The following TNFRSF11A variants were observed in gnomAD, a reference collection of about 807,000 sequenced individuals.
TNFRSF11A encodes TNF receptor superfamily member 11a.
A neutral mutation model predicts 55.7 loss-of-function variants in TNFRSF11A; 32 were observed. The ratio of observed to expected loss-of-function variants is 0.57; its 90% confidence interval spans 0.43 to 0.77. The LOEUF (loss-of-function observed/expected upper bound fraction) is 0.77. Among genes scored for constraint, TNFRSF11A ranks in the 30% least tolerant of loss-of-function variants. The pLI is 0.00. For missense variants in TNFRSF11A, 753 were observed against 809.8 expected (o/e 0.93, Z 0.85); for synonymous variants, 311 against 331.0 (o/e 0.94, Z 0.65).
chr18:62,342,561 C>T (rs1193145066), intron 1 of TNFRSF11A, among the ~76,000 whole-genome samples: 1 of 152,070 alleles, frequency 6.6e-6, no homozygotes, highest in Admixed American at 6.5e-5. Context: ...CTGCGAATCA[C>T]CATGGTGGGA....
intron 1 of TNFRSF11A, among the ~76,000 whole-genome samples, chr18:62,339,251 C>G (rs2046277895): frequency 6.6e-6 from 1 of 152,202 alleles, no homozygotes; most frequent in Non-Finnish European, 1.5e-5. Context: ...CCCAGCCCCC[C>G]AGGCTCTCCG....
In TNFRSF11A at chr18:62,325,347, C is replaced by T. The variant is rs1600335960; in HGVS notation, c.-6C>T. 4 of 1,019,518 alleles carry T rather than the reference C, an allele frequency of 3.9e-6. No individual in the cohort carries two copies. The highest frequency in any genetic ancestry group is 4.7e-6 in the Non-Finnish European group (4 of 854,970). 63.2% of individuals were successfully genotyped at this position (1,019,518 alleles called of 1,614,324 possible). ...GGCCGCGGCGCCCGCCAGCCTGTCC[C>T]GCGCCATGGCCCCGCGCGCCCGGCG... On this transcript the variant is annotated 5_prime_UTR_variant, in exon 1 of 10. Coordinates refer to ENST00000586569, the MANE Select transcript of TNFRSF11A (RefSeq NM_003839.4). The surrounding 1 kb of genome is among the most constrained non-coding windows in gnomAD (Gnocchi z 4.7).
intron 9 of TNFRSF11A, among the ~76,000 whole-genome samples, 168 bp downstream of exon 9, chr18:62,369,652 G>A (rs1346905672): frequency 1.3e-5 from 2 of 152,216 alleles, no homozygotes; most frequent in East Asian, 1.9e-4. Context: ...TTCAGTCCAC[G>A]TGTTTGGTTA....
intron 4 of TNFRSF11A, among the ~76,000 whole-genome samples, chr18:62,357,131 T>A (rs1909316687): frequency 6.6e-6 from 1 of 152,214 alleles, no homozygotes; most frequent in African/African-American, 2.4e-5. Context: ...ATTGCAGAAA[T>A]CAACAGTATA....
At chr18:62,373,419 C>G (rs1910686541) in intron 9 of TNFRSF11A, among the ~76,000 whole-genome samples, 3 of 151,880 alleles carry the variant, frequency 2.0e-5, no homozygotes, top group Non-Finnish European at 4.4e-5. Flanking sequence ...TGCCACTGCA[C>G]TCCAGCCTGG....
intron 9 of TNFRSF11A, among the ~76,000 whole-genome samples, chr18:62,379,113 C>T (rs1016875946): frequency 3.3e-5 from 5 of 152,244 alleles, no homozygotes; most frequent in African/African-American, 9.6e-5. Context: ...GGCGTGCTCA[C>T]GTGCAGAGCA....
chr18:62,355,195 T>G (rs1909168794), intron 4 of TNFRSF11A, among the ~76,000 whole-genome samples: 1 of 152,224 alleles, frequency 6.6e-6, no homozygotes, highest in African/African-American at 2.4e-5. Context: ...TTTTTATGCT[T>G]GGAGGGTTTT....
At chr18:62,348,945 C>T (rs187049769) in intron 2 of TNFRSF11A, among the ~76,000 whole-genome samples, 40 of 152,246 alleles carry the variant, frequency 2.6e-4, no homozygotes, top group Admixed American at 2.6e-3. Context: ...GCGGGTGGGG[C>T]GCAGCGTGAC....
At chr18:62,360,144 C>T in intron 6 of TNFRSF11A, 95 bp downstream of exon 6, 1 of 880,890 alleles carries the variant, frequency 1.1e-6, no homozygotes, top group Admixed American at 1.9e-5. Flanking sequence ...TTGCGGGCGT[C>T]CTCTCCCCCT....
intron 3 of TNFRSF11A, among the ~76,000 whole-genome samples, chr18:62,352,874 C>T (rs1412844904): frequency 2.0e-5 from 3 of 152,170 alleles, no homozygotes; most frequent in South Asian, 4.1e-4. Context: ...AACTTGAGAC[C>T]ATAAGAGACA....
At chr18:62,373,414 C>T (rs2145368575) in intron 9 of TNFRSF11A, among the ~76,000 whole-genome samples, 1 of 151,886 alleles carries the variant, frequency 6.6e-6, no homozygotes, top group South Asian at 2.1e-4. Flanking sequence ...GATCTTGCCA[C>T]TGCACTCCAG....
intron 9 of TNFRSF11A, among the ~76,000 whole-genome samples, chr18:62,378,808 A>G (rs1373866981): frequency 6.6e-6 from 1 of 152,212 alleles, no homozygotes; most frequent in Non-Finnish European, 1.5e-5. Context: ...AATTCTCACC[A>G]CTAGTGAGAG....
intron 2 of TNFRSF11A, among the ~76,000 whole-genome samples, chr18:62,349,166 CT>C (rs35392545): frequency 0.33 from 47,911 of 143,116 alleles, 8,183 homozygotes; most frequent in Middle Eastern, 0.49. Flanking sequence ...CATTCTATTC[CT>C]TTTTTTTTTT....
At chr18:62,381,471 G>A (rs1338016938) in intron 9 of TNFRSF11A, among the ~76,000 whole-genome samples, 1 of 152,154 alleles carries the variant, frequency 6.6e-6, no homozygotes, top group Non-Finnish European at 1.5e-5. Context: ...TCAGTGAGGA[G>A]GATAAAGAAG....
At chr18:62,343,026 G>T (rs2046335313) in intron 1 of TNFRSF11A, among the ~76,000 whole-genome samples, 1 of 152,178 alleles carries the variant, frequency 6.6e-6, no homozygotes, top group Non-Finnish European at 1.5e-5. Context: ...TTCTGGGTAG[G>T]ATCAGTTTCG....
At position 62,383,622 on chromosome 18, in the gene TNFRSF11A, C is replaced by A. The variant is rs1911448185; in HGVS notation, c.1568-1129C>A. On this transcript the variant is annotated intron_variant, in intron 9 of 9. Coordinates refer to ENST00000586569, the MANE Select transcript of TNFRSF11A (RefSeq NM_003839.4). The surrounding 1 kb of genome is among the most constrained non-coding windows in gnomAD (Gnocchi z 4.2). ...TCCTAGACCAAAGTCTAGGAAATTT[C>A]TGTCTTTAAAATGGAAGAATCGTAA... Among the ~76,000 whole-genome samples, 1 of 151,998 alleles carries A rather than the reference C, an allele frequency of 6.6e-6. No individual in the cohort carries two copies. Among genetic ancestry groups the A allele is most frequent in the Admixed American group, 6.5e-5 (1 of 15,278 alleles).
chr18:62,347,171 A>G (rs2046395602), intron 1 of TNFRSF11A, among the ~76,000 whole-genome samples: 1 of 152,108 alleles, frequency 6.6e-6, no homozygotes. Context: ...CTTGAGGGGA[A>G]GGTTTGTGAC....
chr18:62,385,980 A>G lies in TNFRSF11A; in HGVS notation c.*946A>G, dbSNP rs993829358. The G allele has an allele frequency of 6.6e-6, 1 of 152,222 alleles. No homozygotes were observed. The highest frequency in any genetic ancestry group is 2.4e-5 in the African/African-American group (1 of 41,460). 9.4% of individuals were successfully genotyped at this position (152,222 alleles called of 1,614,324 possible). A position where few individuals can be genotyped will look rare whatever the true frequency, so the allele number is the denominator to read the frequency against. ...CTATATTCTCATTTTTCTAAAAGAA[A>G]GAAAAAAGGAAACCCGATTTATTTC... On this transcript the variant is annotated 3_prime_UTR_variant, in exon 10 of 10. Transcript: ENST00000586569.
intron 1 of TNFRSF11A, among the ~76,000 whole-genome samples, chr18:62,333,257 C>T (rs1432606151): frequency 6.6e-6 from 1 of 152,108 alleles, no homozygotes; most frequent in African/African-American, 2.4e-5. Context: ...GGGGTCTGGG[C>T]CCAGCATCAG....
Sources: gnomAD v4.1 joint callset for allele counts (sites outside exome capture counted in the v4.1 genomes callset) on GRCh38, gnomAD v4.1.1 for gene constraint, Gnocchi (gnomAD v3.1) non-coding constraint, MANE v1.5 for transcripts, NCBI Gene and HGNC (gene_info 2026-07-23, HGNC 2026-07-21) for gene names.